The following GBX2 variants were observed in gnomAD, a reference collection of about 807,000 sequenced individuals.
GBX2 encodes the protein gastrulation brain homeobox 2, also known as homeobox protein GBX-2.
A neutral mutation model predicts 22.4 loss-of-function variants in GBX2; 5 were observed. That is an observed-to-expected ratio of 0.22 (90% CI 0.12 to 0.47). The LOEUF (loss-of-function observed/expected upper bound fraction) is 0.47, where lower values mean the gene tolerates loss of function less well. GBX2 is among the 20% of genes least tolerant of loss of function. GBX2 has a pLI of 0.99. For missense variants in GBX2, 470 were observed against 495.4 expected (o/e 0.95, Z 0.49); for synonymous variants, 220 against 230.5 (o/e 0.95, Z 0.41).
Position 236,167,876 on chromosome 2 carries a change from C to A in GBX2, c.96G>T (p.Pro32=). The change falls in exon 1 of 2, where the codon CCG becomes CCT. Residue 32 remains proline, a synonymous_variant. Coordinates refer to ENST00000306318, the MANE Select transcript of GBX2 (RefSeq NM_001485.4). ...FSIDSLIGSP[P]QPSPGHFVYT... is the part of the protein sequence containing the mutation. ...AGACGAAATGGCCGGGGCTGGGCTG[C>A]GGCGGGCTGCCGATCAGCGAGTCTA... 2 of 1,548,930 alleles carry A rather than the reference C, an allele frequency of 1.3e-6. No individual in the cohort carries two copies. The highest frequency in any genetic ancestry group is 2.7e-5 in the East Asian group (1 of 37,340).
chr2:236,167,568 C>A lies in GBX2; in HGVS notation c.404G>T (p.Gly135Val), dbSNP rs201041634. Residue 135 changes from glycine to valine, a missense_variant, in exon 1 of 2, where the codon GGC becomes GTC. Transcript: ENST00000306318. ...CGCCTCCGCCTTGTCGAAGTTACCG[C>A]CGCCGGGCAGCGGCTGCGGCGCGAA... The part of the protein sequence containing the change: ...RKFAPQPLPG[G>V]GNFDKAEALQ... 1.6e-5 allele frequency: 26 copies of A among 1,598,242 alleles called. No individual in the cohort carries two copies. The East Asian group carries it at 5.7e-4, about 35-fold the overall frequency.
At chr2:236,164,915 C>A (rs2060229555), downstream of GBX2, among the ~76,000 whole-genome samples, 1 of 152,200 alleles carries the variant, frequency 6.6e-6, no homozygotes, top group Non-Finnish European at 1.5e-5. Flanking sequence ...CACCAATACC[C>A]GCACTCGCTT....
Position 236,165,247 on chromosome 2 carries a change from C to T in GBX2, c.*667G>A, listed in dbSNP as rs554522783. 27 of 151,294 alleles carry T rather than the reference C, an allele frequency of 1.8e-4. No homozygotes were observed. Among genetic ancestry groups the T allele is most frequent in the African/African-American group, 6.3e-4 (26 of 41,016 alleles). The allele number at this position is 151,294 out of a possible 1,614,324, so 9.4% of individuals were successfully genotyped here. On this transcript the variant is annotated 3_prime_UTR_variant, in exon 2 of 2. Coordinates refer to ENST00000306318, the MANE Select transcript of GBX2 (RefSeq NM_001485.4). The stretch of plus-strand genomic sequence containing the variant: ...ATGAGGCCCAGGGATTGGTCTTTTT[C>T]CCCCCCTCTCTCCTTTTTATTATTC...
At chr2:236,162,376 A>G (rs559559267), downstream of GBX2, among the ~76,000 whole-genome samples, 25 of 152,372 alleles carry the variant, frequency 1.6e-4, no homozygotes, top group South Asian at 5.2e-3. Flanking sequence ...GCATGCACTA[A>G]GTCTCGAAAA....
chr2:236,167,587 G>C lies in GBX2; in HGVS notation c.385C>G (p.Pro129Ala). 1 of 1,596,454 alleles carries C rather than the reference G, an allele frequency of 6.3e-7. No individual in the cohort carries two copies. The highest frequency in any genetic ancestry group is 8.5e-7 in the Non-Finnish European group (1 of 1,174,704). Residue 129 changes from proline (P) to alanine (A), a missense_variant, in exon 1 of 2, where the codon CCG (proline) becomes GCG (alanine). Coordinates refer to ENST00000306318, the MANE Select transcript of GBX2 (RefSeq NM_001485.4). ...QEAAAARKFA[P>A]QPLPGGGNFD... is the part of the protein sequence containing the mutation. The stretch of plus-strand genomic sequence containing the variant: ...TTACCGCCGCCGGGCAGCGGCTGCG[G>C]CGCGAACTTGCGGGCCGCTGCCGCC...
In GBX2 at chr2:236,165,961, A is replaced by G; in HGVS notation, c.1000T>C (p.Phe334Leu). 1 of 1,613,996 alleles carries G rather than the reference A, an allele frequency of 6.2e-7. No individual in the cohort carries two copies. The highest frequency in any genetic ancestry group is 8.5e-7 in the Non-Finnish European group (1 of 1,179,982). ...TGCTGATGCTGACTTCTGATAGCGA[A>G]CCTGCTGACGTGGACAGGGATGGGG... is the stretch of plus-strand genomic sequence containing the variant. ...VVPIPVHVSR[F>L]AIRSQHQQLE... The change falls in exon 2 of 2, where the codon TTC (phenylalanine) becomes CTC (leucine). Residue 334 changes from phenylalanine (F) to leucine (L), a missense_variant. Physicochemically the swap from Phe to Leu is conservative, Grantham distance 22. Transcript: ENST00000306318.
Position 236,166,762 on chromosome 2 carries a change from A to T in GBX2, c.524-325T>A, listed in dbSNP as rs2060241583. ...TAGCAGGAGGCGCGAGGCCCAAGAGATTGCCCGCTTTGTCCCTGGGGTGGG... is the reference window on the plus strand; with the variant it reads ...TAGCAGGAGGCGCGAGGCCCAAGAGTTTGCCCGCTTTGTCCCTGGGGTGGG... On this transcript the variant is annotated intron_variant, in intron 1 of 1. Coordinates refer to ENST00000306318, the MANE Select transcript of GBX2 (RefSeq NM_001485.4). This position sits in a 1 kb window ranked among gnomAD's most constrained non-coding sequence, Gnocchi z 6.6. 1.3e-5 allele frequency among the ~76,000 whole-genome samples: 2 copies of T among 151,994 alleles called. No individual in the cohort carries two copies. The highest frequency in any genetic ancestry group is 4.8e-5 in the African/African-American group (2 of 41,390).
chr2:236,167,377 CG>C, intron 1 of GBX2, 71 bp downstream of exon 1: 1 of 1,408,136 alleles, frequency 7.1e-7, no homozygotes, highest in Non-Finnish European at 9.2e-7. Flanking sequence ...TGGTCTCCCG[CG>C]GGAACCCGGC....
chr2:236,166,037 G>A lies in GBX2; in HGVS notation c.924C>T (p.Gly308=). The part of the protein sequence containing the change: ...RRAKWKRVKA[G]NANSKTGEPS... ...GCTCCCCTGTCTTGGAATTGGCATT[G>A]CCTGCCTTCACCCGTTTCCACTTGG... The change falls in exon 2 of 2, where the codon GGC becomes GGT. Residue 308 remains glycine (G), a synonymous_variant. Coordinates refer to ENST00000306318, the MANE Select transcript of GBX2 (RefSeq NM_001485.4). This position sits in a 1 kb window ranked among gnomAD's most constrained non-coding sequence, Gnocchi z 6.6. The A allele has an allele frequency of 6.2e-7, 1 of 1,614,220 alleles. No homozygotes were observed. The highest frequency in any genetic ancestry group is 8.5e-7 in the Non-Finnish European group (1 of 1,180,044).
In GBX2 at chr2:236,165,870, G is replaced by C; in HGVS notation, c.*44C>G. On this transcript the variant is annotated 3_prime_UTR_variant, in exon 2 of 2. Transcript: ENST00000306318. ...TCCACCATGGGTTCCCTCGGGTGCG[G>C]GGGCTTCTCCAGGTGGGTGCCAGGC... 1 of 1,505,920 alleles carries C rather than the reference G, an allele frequency of 6.6e-7. No individual in the cohort carries two copies. Among genetic ancestry groups the C allele is most frequent in the African/African-American group, 1.4e-5 (1 of 71,266 alleles). The allele number at this position is 1,505,920 out of a possible 1,614,324, so 93.3% of individuals were successfully genotyped here. A position where few individuals can be genotyped will look rare whatever the true frequency, so the allele number is the denominator to read the frequency against.
chr2:236,166,197 G>C lies in GBX2; in HGVS notation c.764C>G (p.Thr255Ser). 6.2e-7 allele frequency: 1 copy of C among 1,613,922 alleles called. No homozygotes were observed. Among genetic ancestry groups the C allele is most frequent in the South Asian group, 1.1e-5 (1 of 91,088 alleles). The change falls in exon 2 of 2, where the codon ACC (threonine) becomes AGC (serine). Residue 255 changes from threonine to serine, a missense_variant. Thr to Ser is a moderately conservative substitution (Grantham distance 58). Around this residue, in one of 4 missense-constraint regions of GBX2, gnomAD observed 40 missense variants for 55.1 expected, o/e 0.73. Transcript: ENST00000306318. This position sits in a 1 kb window ranked among gnomAD's most constrained non-coding sequence, Gnocchi z 6.6. The part of the protein sequence containing the change: ...GKNRRRRTAF[T>S]SEQLLELEKE... ...CTCTAGCTCCAGCAGCTGCTCGCTG[G>C]TGAAGGCAGTCCGCCGCCGCCGGTT...
downstream of GBX2, among the ~76,000 whole-genome samples, chr2:236,164,016 C>T (rs972370259): frequency 7.9e-5 from 12 of 152,166 alleles, no homozygotes; most frequent in Non-Finnish European, 1.6e-4. Flanking sequence ...AAGTCTGGGC[C>T]ATTTTCCGCC....
Position 236,167,027 on chromosome 2 carries a change from C to T in GBX2, c.523+422G>A, listed in dbSNP as rs1198884225. 5.1e-6 allele frequency: 5 copies of T among 980,364 alleles called. No individual in the cohort carries two copies. The East Asian group carries it at 7.9e-5, about 16-fold the overall frequency. The allele number at this position is 980,364 out of a possible 1,614,324, so 60.7% of individuals were successfully genotyped here. ...ACAGCCTCCCAGCAGTCCGTTTCTC[C>T]CAGACAAGTAGCAAGACCAGCGAAG... On this transcript the variant is annotated intron_variant, in intron 1 of 1. Coordinates refer to ENST00000306318, the MANE Select transcript of GBX2 (RefSeq NM_001485.4).
In GBX2 at chr2:236,166,791, T is replaced by G. The variant is rs886636870; in HGVS notation, c.524-354A>C. Among the ~76,000 whole-genome samples, 1 of 152,100 alleles carries G rather than the reference T, an allele frequency of 6.6e-6. No individual in the cohort carries two copies. Among genetic ancestry groups the G allele is most frequent in the Non-Finnish European group, 1.5e-5 (1 of 68,010 alleles). On this transcript the variant is annotated intron_variant, in intron 1 of 1. Transcript: ENST00000306318. The surrounding 1 kb of genome is among the most constrained non-coding windows in gnomAD (Gnocchi z 6.6). ...CCCGCTTTGTCCCTGGGGTGGGGAC[T>G]GGTTGAGGACTGATGGGGGGATTCA... is the stretch of plus-strand genomic sequence containing the variant.
chr2:236,164,201 G>T (rs946815868), downstream of GBX2, among the ~76,000 whole-genome samples: 5 of 152,120 alleles, frequency 3.3e-5, no homozygotes, highest in Non-Finnish European at 5.9e-5. Context: ...GGCGGGCCGC[G>T]CTTCCCCTTC....
Position 236,167,557 on chromosome 2 carries a change from C to G in GBX2, c.415G>C (p.Asp139His). The part of the protein sequence containing the change: ...PQPLPGGGNF[D>H]KAEALQADAE... ...TCAGCCTGCAGCGCCTCCGCCTTGT[C>G]GAAGTTACCGCCGCCGGGCAGCGGC... Residue 139 changes from aspartate (D) to histidine (H), a missense_variant, in exon 1 of 2, where the codon GAC becomes CAC. By Grantham distance (81) the Asp-to-His change is moderately conservative. Around this residue, in one of 4 missense-constraint regions of GBX2, gnomAD observed 377 missense variants for 358.6 expected, o/e 1.05. Coordinates refer to ENST00000306318, the MANE Select transcript of GBX2 (RefSeq NM_001485.4). The G allele has an allele frequency of 6.3e-7, 1 of 1,598,714 alleles. No homozygotes were observed. Among genetic ancestry groups the G allele is most frequent in the Non-Finnish European group, 8.5e-7 (1 of 1,175,152 alleles).
At chr2:236,163,627 G>C (rs1341881559), downstream of GBX2, among the ~76,000 whole-genome samples, 1 of 152,032 alleles carries the variant, frequency 6.6e-6, no homozygotes, top group African/African-American at 2.4e-5. Flanking sequence ...GGGCCGGCGG[G>C]GCAGAGGCCG....
At chr2:236,163,861 C>A (rs1048536941), downstream of GBX2, among the ~76,000 whole-genome samples, 1 of 152,160 alleles carries the variant, frequency 6.6e-6, no homozygotes, top group African/African-American at 2.4e-5. Flanking sequence ...CAGGCCAGGG[C>A]GCGACCCGGG....
chr2:236,165,183 C>T (rs577997186), downstream of GBX2: 19 of 152,296 alleles, frequency 1.2e-4, no homozygotes, highest in African/African-American at 4.6e-4. Flanking sequence ...CCGGCCACAC[C>T]CTGGCAGTGC....
Sources: allele counts gnomAD v4.1 joint callset (sites outside exome capture counted in the v4.1 genomes callset), GRCh38; gene constraint gnomAD v4.1.1; regional missense constraint gnomAD v4.1.1; non-coding constraint Gnocchi (gnomAD v3.1); transcripts MANE v1.5; gene names NCBI Gene and HGNC (gene_info 2026-07-23, HGNC 2026-07-21).